CLINT1: variants seen among roughly 807,000 people sequenced by gnomAD.
CLINT1 encodes clathrin interactor 1.
In CLINT1, 15 loss-of-function variants were observed where a neutral mutation model predicts 70.4. The observed-to-expected ratio is 0.21, with a 90% confidence interval of 0.14 to 0.33. CLINT1 has a LOEUF of 0.33. CLINT1 is among the 10% of genes least tolerant of loss of function. The pLI is 1.00. For synonymous variants in CLINT1, 227 were observed against 254.7 expected, an observed-to-expected ratio of 0.89 and a Z score of 1.04; for missense variants, 615 against 778.1, an observed-to-expected ratio of 0.79 and a Z score of 2.49.
chr5:157,833,082 G>A (rs1284942641), intron 1 of CLINT1, among the ~76,000 whole-genome samples: 8 of 152,188 alleles, frequency 5.3e-5, no homozygotes, highest in Admixed American at 4.6e-4. Context: ...CAGGCGCGGT[G>A]GCTCACTCCT....
At chr5:157,812,172 G>T (rs1008255404) in intron 5 of CLINT1, among the ~76,000 whole-genome samples, 11 of 152,092 alleles carry the variant, frequency 7.2e-5, no homozygotes, top group African/African-American at 2.7e-4. Flanking sequence ...AATGAGTAAG[G>T]ATATTTTATA....
At position 157,809,635 on chromosome 5, in the gene CLINT1, T is replaced by C. The variant is rs747325656; in HGVS notation, c.688A>G (p.Arg230Gly). The change falls in exon 6 of 12, where the codon AGA becomes GGA. Residue 230 changes from arginine (R) to glycine (G), a missense_variant. By Grantham distance (125) the Arg-to-Gly change is moderately radical (BLOSUM62 -2). Coordinates refer to ENST00000411809, the MANE Select transcript of CLINT1 (RefSeq NM_014666.4). ...GACAAAGTGGTAAAATACCTGCATC[T>C]TTCTGGAGAGTCTTCTCTATCTTTC... ...RRKDREDSPE[R>G]CSDSDEEKKA... 4.7e-5 allele frequency: 75 copies of C among 1,605,214 alleles called. No homozygotes were observed. The Admixed American group carries it at 1.2e-3, about 26-fold the overall frequency.
chr5:157,807,771 G>C (rs958756658), intron 6 of CLINT1, among the ~76,000 whole-genome samples: 1 of 152,040 alleles, frequency 6.6e-6, no homozygotes, highest in Admixed American at 6.6e-5. Context: ...GAAGAGTAGA[G>C]AGACAAAGAA....
At chr5:157,808,406 C>T (rs537959401) in intron 6 of CLINT1, among the ~76,000 whole-genome samples, 1 of 152,158 alleles carries the variant, frequency 6.6e-6, no homozygotes, top group South Asian at 2.1e-4. Flanking sequence ...TACGAGAACT[C>T]ACTTGAAGGC....
chr5:157,818,870 G>C (rs578135832), intron 1 of CLINT1, among the ~76,000 whole-genome samples: 2 of 152,284 alleles, frequency 1.3e-5, no homozygotes, highest in Non-Finnish European at 2.9e-5. Context: ...TCCTATAGTA[G>C]TATTCATTTG....
chr5:157,819,882 C>T (rs1458860033), intron 1 of CLINT1, among the ~76,000 whole-genome samples: 3 of 152,124 alleles, frequency 2.0e-5, no homozygotes, highest in Non-Finnish European at 2.9e-5. Flanking sequence ...CTTGTTCAAG[C>T]GACAAAGGCC....
chr5:157,798,199 A>G (rs1322039961), intron 8 of CLINT1, among the ~76,000 whole-genome samples: 2 of 152,206 alleles, frequency 1.3e-5, no homozygotes, highest in Non-Finnish European at 2.9e-5. Context: ...CATTTTCTAT[A>G]CTTAAGCATT....
At chr5:157,792,909 A>T (rs891207949) in intron 9 of CLINT1, among the ~76,000 whole-genome samples, 13 of 152,252 alleles carry the variant, frequency 8.5e-5, no homozygotes. Flanking sequence ...AATAGTAAGT[A>T]TGTACCTTCC....
chr5:157,806,245 A>G (rs559964471), intron 6 of CLINT1, 133 bp from the exon 7 acceptor site: 2 of 843,908 alleles, frequency 2.4e-6, no homozygotes, highest in South Asian at 3.6e-5. Flanking sequence ...GACAGGGATC[A>G]ACAGAATGTT....
chr5:157,811,730 G>A (rs2113200625), intron 5 of CLINT1, among the ~76,000 whole-genome samples: 1 of 152,184 alleles, frequency 6.6e-6, no homozygotes, highest in East Asian at 1.9e-4. Context: ...AATTTTCTAA[G>A]TTTAGCTGAT....
At chr5:157,796,505 T>C (rs1481100290) in intron 8 of CLINT1, among the ~76,000 whole-genome samples, 1 of 152,228 alleles carries the variant, frequency 6.6e-6, no homozygotes, top group East Asian at 1.9e-4. Context: ...AGTTCAATGA[T>C]GGTGCTTTTA....
chr5:157,789,250 GTTAACTGTTACAATTTATGTGATATATTT>G (rs1193688588), intron 11 of CLINT1, 84 bp downstream of exon 11: 2 of 915,196 alleles, frequency 2.2e-6, no homozygotes, highest in African/African-American at 3.3e-5. Context: ...CAGGCATTTG[GTTAACTGTTACAATTTATGTGATATATTT>G]TTATTTATAG....
intron 8 of CLINT1, among the ~76,000 whole-genome samples, chr5:157,798,434 T>C (rs1364562509): frequency 1.3e-5 from 2 of 152,240 alleles, no homozygotes; most frequent in East Asian, 3.9e-4. Context: ...CCCAAAGCAA[T>C]ATTGTGAACA....
At chr5:157,821,834 C>T (rs1480749316) in intron 1 of CLINT1, among the ~76,000 whole-genome samples, 1 of 152,178 alleles carries the variant, frequency 6.6e-6, no homozygotes, top group African/African-American at 2.4e-5. Context: ...GAAGGAATCA[C>T]CAAAGAATGA....
At chr5:157,853,141 A>G (rs1312476410) in intron 1 of CLINT1, among the ~76,000 whole-genome samples, 1 of 152,178 alleles carries the variant, frequency 6.6e-6, no homozygotes. Flanking sequence ...TGAAGTCAGG[A>G]GTTCGAGACC....
Position 157,803,679 on chromosome 5 carries a change from TCAA to T in CLINT1, c.980_982del (p.Val327del). ...TGACTGGCTGGTGCCATCAAACAGA[TCAA>T]CAAGGTCACCAGATGACTTGCTGCT... is the stretch of plus-strand genomic sequence containing the variant. On this transcript the variant is annotated inframe_deletion, in exon 8 of 12. Transcript: ENST00000411809. The T allele has an allele frequency of 1.9e-6, 3 of 1,547,452 alleles. No individual in the cohort carries two copies. Among genetic ancestry groups the T allele is most frequent in the Non-Finnish European group, 2.6e-6 (3 of 1,137,562 alleles).
At position 157,859,092 on chromosome 5, in the gene CLINT1, G is replaced by C; in HGVS notation, c.-122C>G. 2.8e-6 allele frequency: 3 copies of C among 1,056,202 alleles called. No individual in the cohort carries two copies. Among genetic ancestry groups the C allele is most frequent in the Admixed American group, 2.4e-5 (1 of 42,188 alleles). The allele number at this position is 1,056,202 out of a possible 1,614,324, so 65.4% of individuals were successfully genotyped here. ...CCGCCCGCCGCCTCGAACTCCCCCA[G>C]TCAGCTCCTTCCTTTGCCACAGCAG... On this transcript the variant is annotated 5_prime_UTR_variant, in exon 1 of 12. Transcript: ENST00000411809.
intron 1 of CLINT1, among the ~76,000 whole-genome samples, chr5:157,833,492 GT>G (rs1763314179): frequency 1.3e-5 from 2 of 152,220 alleles, no homozygotes; most frequent in South Asian, 4.2e-4. Flanking sequence ...TATTCTCTCT[GT>G]CCCTGCTCTC....
intron 4 of CLINT1, among the ~76,000 whole-genome samples, chr5:157,813,593 A>G (rs536797616): frequency 6.6e-6 from 1 of 152,312 alleles, no homozygotes; most frequent in South Asian, 2.1e-4. Context: ...ACAAATCAAA[A>G]GAAGAACCAC....
Sources: gnomAD v4.1 joint callset for allele counts (sites outside exome capture counted in the v4.1 genomes callset) on GRCh38, gnomAD v4.1.1 for gene constraint, MANE v1.5 for transcripts, NCBI Gene and HGNC (gene_info 2026-07-23, HGNC 2026-07-21) for gene names.